The following PDE10A variants were observed in gnomAD, a reference collection of about 807,000 sequenced individuals.
The protein encoded by PDE10A is cAMP and cAMP-inhibited cGMP 3',5'-cyclic phosphodiesterase 10A.
PDE10A carries 39 observed loss-of-function variants against 97.7 expected under a neutral mutation model. The observed-to-expected ratio is 0.40, with a 90% CI of 0.31 to 0.52. The LOEUF (loss-of-function observed/expected upper bound fraction) is 0.52, where lower values mean the gene tolerates loss of function less well. Among genes scored for constraint, PDE10A ranks in the 20% least tolerant of loss-of-function variants. The pLI, the probability that PDE10A is intolerant of heterozygous loss-of-function variation, is 0.56. For synonymous variants in PDE10A, 371 were observed against 376.8 expected, an observed-to-expected ratio of 0.98 and a Z score of 0.18; for missense variants, 731 against 1,047.8, an observed-to-expected ratio of 0.70 and a Z score of 4.17.
chr6:165,770,187 G>T (rs1410679220), intron 1 of PDE10A, among the ~76,000 whole-genome samples: 1 of 145,600 alleles, frequency 6.9e-6, no homozygotes, highest in East Asian at 2.0e-4. Flanking sequence ...AAGGAGTTAG[G>T]TCTTCTCAGG....
At chr6:165,878,171 T>A (rs972920648) in intron 1 of PDE10A, among the ~76,000 whole-genome samples, 8 of 152,202 alleles carry the variant, frequency 5.3e-5, no homozygotes, top group African/African-American at 1.9e-4. Context: ...CCTGCCACAT[T>A]TTACAAAATC....
intron 1 of PDE10A, among the ~76,000 whole-genome samples, chr6:165,938,042 A>G (rs1312900197): frequency 4.6e-5 from 7 of 152,220 alleles, no homozygotes; most frequent in Non-Finnish European, 1.0e-4. Flanking sequence ...CTCTACAAAG[A>G]CTTCAGAAGC....
chr6:165,971,390 G>C (rs995090713), intron 1 of PDE10A, among the ~76,000 whole-genome samples: 23 of 152,076 alleles, frequency 1.5e-4, no homozygotes, highest in Admixed American at 1.3e-3. Context: ...CAACACACTG[G>C]ACGACCTCAC....
chr6:165,510,432 T>TA (rs1411086979), intron 2 of PDE10A, among the ~76,000 whole-genome samples: 4 of 152,054 alleles, frequency 2.6e-5, no homozygotes, highest in African/African-American at 9.7e-5. Context: ...AGTTTGCTAG[T>TA]ATTTTGTTGA....
rs140277382 is a variant in PDE10A, at chr6:165,637,214, G to A, written c.865+24733C>T. Among the ~76,000 whole-genome samples the A allele has an allele frequency of 1.4e-4, 21 of 152,262 alleles. No individual in the cohort carries two copies. The East Asian group carries it at 3.7e-3, about 27-fold the overall frequency. ...AGCTAGCTAGGGTGACCCCAGGACC[G>A]ATGCACTTAACCAGCTTGCTCAGTG... is the stretch of plus-strand genomic sequence containing the variant. On this transcript the variant is annotated intron_variant, in intron 1 of 21. Transcript: ENST00000539869.
At chr6:165,681,154 C>T (rs1158838736) in intron 1 of PDE10A, among the ~76,000 whole-genome samples, 1 of 152,124 alleles carries the variant, frequency 6.6e-6, no homozygotes, top group African/African-American at 2.4e-5. Context: ...GTTTACAGAG[C>T]GCTGCAAGGG....
intron 1 of PDE10A, among the ~76,000 whole-genome samples, chr6:165,630,193 C>T (rs1450677151): frequency 6.6e-6 from 1 of 152,080 alleles, no homozygotes; most frequent in Non-Finnish European, 1.5e-5. Flanking sequence ...TATAAAAATA[C>T]AAAAATTAGC....
intron 21 of PDE10A, 34 bp from the exon 22 acceptor site, chr6:165,333,161 G>T: frequency 1.6e-6 from 2 of 1,269,010 alleles, no homozygotes; most frequent in Non-Finnish European, 2.3e-6. Context: ...AGGAGAAGCT[G>T]AATAAAGGAT....
At chr6:165,912,328 A>G (rs746571254) in intron 1 of PDE10A, among the ~76,000 whole-genome samples, 6 of 152,084 alleles carry the variant, frequency 3.9e-5, no homozygotes, top group Non-Finnish European at 8.8e-5. Context: ...TCTACTCACA[A>G]AATATATCAG....
chr6:165,987,633 G>C (rs77341290), exon 1 of PDE10A: 1 of 431,208 alleles, frequency 2.3e-6, no homozygotes, highest in African/African-American at 2.1e-5. Context: ...AAGGCAAGGC[G>C]CCGGGAGCAC....
chr6:165,804,420 T>G (rs1249848059), intron 1 of PDE10A, among the ~76,000 whole-genome samples: 1 of 152,222 alleles, frequency 6.6e-6, no homozygotes, highest in East Asian at 1.9e-4. Flanking sequence ...TTGTTTTGTT[T>G]TGTTTTTGGC....
intron 3 of PDE10A, among the ~76,000 whole-genome samples, chr6:165,472,850 T>A (rs188897218): frequency 7.7e-4 from 117 of 152,214 alleles, no homozygotes; most frequent in African/African-American, 2.7e-3. Context: ...ACGTGAAAAG[T>A]TATATAATTG....
At chr6:165,912,761 C>A (rs1409580851) in intron 1 of PDE10A, among the ~76,000 whole-genome samples, 1 of 152,098 alleles carries the variant, frequency 6.6e-6, no homozygotes, top group Non-Finnish European at 1.5e-5. Flanking sequence ...AAAAGTAAGG[C>A]TATGTATTAC....
At position 165,661,712 on chromosome 6, in the gene PDE10A, C is replaced by T; in HGVS notation, c.865+235G>A. 1 of 444,228 alleles carries T rather than the reference C, an allele frequency of 2.3e-6. No homozygotes were observed. The highest frequency in any genetic ancestry group is 3.9e-6 in the Non-Finnish European group (1 of 254,338). The allele number at this position is 444,228 out of a possible 1,614,324, so 27.5% of individuals were successfully genotyped here. Reference sequence around the variant, plus strand: ...CCGCCGCCCTCCCGAGCCGCCCTTCCCCCGAGCGCTCGCGGAGCCTGGGAA... The same window carrying T: ...CCGCCGCCCTCCCGAGCCGCCCTTCTCCCGAGCGCTCGCGGAGCCTGGGAA... On this transcript the variant is annotated intron_variant, in intron 1 of 21. Coordinates refer to ENST00000539869, the MANE Select transcript of PDE10A (RefSeq NM_001385079.1). This position sits in a 1 kb window ranked among gnomAD's most constrained non-coding sequence, Gnocchi z 4.8.
At chr6:165,366,249 T>C (rs183124225) in intron 18 of PDE10A, among the ~76,000 whole-genome samples, 2 of 152,284 alleles carry the variant, frequency 1.3e-5, no homozygotes, top group East Asian at 3.9e-4. Flanking sequence ...TAAGCTAATA[T>C]TGTGTTGTAA....
rs1392703736 is a variant in PDE10A at position 165,330,215 on chromosome 6, A to T, written c.*2810T>A. ...GCTCATAGCGGGTTACTAAATTTATACTGGGTGGAAAATTTGGCACAATAC... is the reference window on the plus strand; with the variant it reads ...GCTCATAGCGGGTTACTAAATTTATTCTGGGTGGAAAATTTGGCACAATAC... On this transcript the variant is annotated 3_prime_UTR_variant, in exon 22 of 22. Transcript: ENST00000539869. The T allele has an allele frequency of 2.6e-5, 4 of 152,190 alleles. No homozygotes were observed. Among genetic ancestry groups the T allele is most frequent in the Admixed American group, 6.5e-5 (1 of 15,274 alleles). The allele number at this position is 152,190 out of a possible 1,614,324, so 9.4% of individuals were successfully genotyped here. A position where few individuals can be genotyped will look rare whatever the true frequency, so the allele number is the denominator to read the frequency against.
intron 1 of PDE10A, among the ~76,000 whole-genome samples, chr6:165,943,256 AAGGAAGGAAGGAAGGAAG>A (rs1351697698): frequency 5.6e-4 from 63 of 112,532 alleles, no homozygotes; most frequent in South Asian, 9.7e-4. Context: ...GGAAGGAAGG[AAGGAAGGAAGGAAGGAAG>A]GAAAGAAAGA....
chr6:165,334,408 T>C (rs1347921810), intron 21 of PDE10A, among the ~76,000 whole-genome samples: 1 of 147,696 alleles, frequency 6.8e-6, no homozygotes, highest in Non-Finnish European at 1.5e-5. Context: ...CATAGCGCCC[T>C]ACAGCGCCGG....
intron 1 of PDE10A, among the ~76,000 whole-genome samples, chr6:165,759,505 G>A (rs1016489458): frequency 3.3e-5 from 5 of 152,160 alleles, no homozygotes; most frequent in African/African-American, 7.2e-5. Flanking sequence ...GAAGGAACAG[G>A]CTCTCTGAGA....
Sources: allele counts gnomAD v4.1 joint callset (sites outside exome capture counted in the v4.1 genomes callset), GRCh38; gene constraint gnomAD v4.1.1; non-coding constraint Gnocchi (gnomAD v3.1); transcripts MANE v1.5; gene names NCBI Gene and HGNC (gene_info 2026-07-23, HGNC 2026-07-21).